Variants in PSD2 observed in about 807,000 individuals in gnomAD.
The protein encoded by PSD2 is PH and SEC7 domain-containing protein 2.
A neutral mutation model predicts 69.8 loss-of-function variants in PSD2; 38 were observed. The ratio of observed to expected loss-of-function variants is 0.54; its 90% CI spans 0.42 to 0.71. The LOEUF (loss-of-function observed/expected upper bound fraction) is 0.71. Ranked by LOEUF, PSD2 falls within the 30% of genes least tolerant of loss-of-function variation. The pLI is 0.00. For synonymous variants in PSD2, 412 were observed against 423.0 expected (o/e 0.97, Z 0.32); for missense variants, 943 against 1,014.5 (o/e 0.93, Z 0.96).
chr5:139,765,268 T>C, the PSD2 span, among the ~76,000 whole-genome samples: 1 of 152,006 alleles, frequency 6.6e-6, no homozygotes, highest in Non-Finnish European at 1.5e-5. Context: ...TACGCAGTGG[T>C]ACTTCCAACA....
At chr5:139,755,542 C>T in the PSD2 span, among the ~76,000 whole-genome samples, 1 of 151,942 alleles carries the variant, frequency 6.6e-6, no homozygotes, top group Non-Finnish European at 1.5e-5. Flanking sequence ...TGGGAGCCTC[C>T]TCCCTATTTG....
At chr5:139,835,987 T>C (rs1760707268) in intron 9 of PSD2, among the ~76,000 whole-genome samples, 2 of 152,246 alleles carry the variant, frequency 1.3e-5, no homozygotes. Flanking sequence ...TGTTACAGAA[T>C]AGATTGAACT....
At chr5:139,835,916 G>C (rs971726861) in intron 9 of PSD2, 150 bp downstream of exon 9, 14 of 729,658 alleles carry the variant, frequency 1.9e-5, no homozygotes, top group Non-Finnish European at 3.4e-5. Flanking sequence ...GCGCACACCT[G>C]GTGTTGAATT....
rs2126970706 is a variant in PSD2 at position 139,839,552 on chromosome 5, T to C, written c.1969-475T>C. On this transcript the variant is annotated intron_variant, in intron 13 of 14. Transcript: ENST00000274710. The surrounding 1 kb of genome is among the most constrained non-coding windows in gnomAD (Gnocchi z 5.1). ...TCAGCGACAGTGTCTCCGCCTGTCT[T>C]TGGGTGTGATCCTGGGTCTGCAACC... Among the ~76,000 whole-genome samples, 1 of 152,292 alleles carries C rather than the reference T, an allele frequency of 6.6e-6. No homozygotes were observed. Among genetic ancestry groups the C allele is most frequent in the Admixed American group, 6.5e-5 (1 of 15,304 alleles).
At chr5:139,765,075 C>T in the PSD2 span, among the ~76,000 whole-genome samples, 30 of 152,028 alleles carry the variant, frequency 2.0e-4, no homozygotes, top group African/African-American at 7.0e-4. Flanking sequence ...ACCCTTCCAA[C>T]GCCCCCTCAC....
At chr5:139,835,859 T>C (rs1760702551) in intron 9 of PSD2, 93 bp downstream of exon 9, 1 of 1,240,556 alleles carries the variant, frequency 8.1e-7, no homozygotes, top group African/African-American at 1.5e-5. Flanking sequence ...CCACTCTCCA[T>C]GGTGCTGATC....
At chr5:139,830,591 T>TTTC (rs1760560808) in intron 7 of PSD2, among the ~76,000 whole-genome samples, 1 of 103,340 alleles carries the variant, frequency 9.7e-6, no homozygotes, top group African/African-American at 4.5e-5. Context: ...TCTTTCTTTC[T>TTTC]TTTTCTTTCT....
chr5:139,760,813 G>A, the PSD2 span, among the ~76,000 whole-genome samples: 1 of 152,182 alleles, frequency 6.6e-6, no homozygotes, highest in African/African-American at 2.4e-5. Flanking sequence ...CCACAAGCCT[G>A]CTGGGTGTGT....
the PSD2 span, among the ~76,000 whole-genome samples, chr5:139,770,807 G>A: frequency 6.6e-6 from 1 of 152,198 alleles, no homozygotes; most frequent in Non-Finnish European, 1.5e-5. Flanking sequence ...AAACAGTTGA[G>A]TAAGTTTTGT....
At chr5:139,747,224 ACTCT>A in the PSD2 span, among the ~76,000 whole-genome samples, 2 of 144,962 alleles carry the variant, frequency 1.4e-5, no homozygotes, top group African/African-American at 5.2e-5. This position sits in a 1 kb window ranked among gnomAD's most constrained non-coding sequence, Gnocchi z 6.7. Context: ...TGTCTGTCTG[ACTCT>A]CTCTTGTCTC....
chr5:139,788,897 C>T, the PSD2 span, among the ~76,000 whole-genome samples: 1 of 152,268 alleles, frequency 6.6e-6, no homozygotes. Flanking sequence ...CTCCAGGTGA[C>T]TGGCCCCTTA....
the PSD2 span, among the ~76,000 whole-genome samples, chr5:139,749,011 C>T: frequency 6.6e-6 from 1 of 152,070 alleles, no homozygotes; most frequent in Non-Finnish European, 1.5e-5. Context: ...GGCAGACAGT[C>T]CTTCCTTAAA....
chr5:139,813,475 C>T lies in PSD2; in HGVS notation c.538C>T (p.Leu180Phe). ...SDSCVSFEAP[L>F]TPLIQQRARD... Reference sequence around the variant, plus strand: ...CAGCTGCGTCAGCTTCGAGGCCCCCCTCACACCCCTCATCCAGCAGCGGGC... The same window carrying T: ...CAGCTGCGTCAGCTTCGAGGCCCCCTTCACACCCCTCATCCAGCAGCGGGC... Residue 180 changes from leucine to phenylalanine, a missense_variant, in exon 3 of 15, where the codon CTC (leucine) becomes TTC (phenylalanine). Leu to Phe is a conservative substitution (Grantham distance 22). Around this residue, in one of 3 missense-constraint regions of PSD2, gnomAD observed 466 missense variants for 445.0 expected, o/e 1.05. Coordinates refer to ENST00000274710, the MANE Select transcript of PSD2 (RefSeq NM_032289.4). The T allele has an allele frequency of 6.2e-7, 1 of 1,613,898 alleles. No individual in the cohort carries two copies. The highest frequency in any genetic ancestry group is 8.5e-7 in the Non-Finnish European group (1 of 1,179,836).
At chr5:139,776,131 T>C in the PSD2 span, among the ~76,000 whole-genome samples, 4 of 152,178 alleles carry the variant, frequency 2.6e-5, no homozygotes, top group African/African-American at 9.7e-5. Context: ...TAACATCCAG[T>C]CTCCTTCCTG....
intron 9 of PSD2, 88 bp from the exon 10 acceptor site, chr5:139,836,723 C>T: frequency 8.3e-7 from 1 of 1,202,162 alleles, no homozygotes; most frequent in African/African-American, 1.5e-5. Context: ...GACCCTGGCT[C>T]CTGGAGAGGA....
At chr5:139,765,846 G>T in the PSD2 span, among the ~76,000 whole-genome samples, 1 of 152,238 alleles carries the variant, frequency 6.6e-6, no homozygotes, top group Non-Finnish European at 1.5e-5. Context: ...CCGCCGTCGT[G>T]GCTTTGGCTC....
the PSD2 span, among the ~76,000 whole-genome samples, chr5:139,742,763 T>A: frequency 3.3e-5 from 5 of 152,170 alleles, no homozygotes; most frequent in African/African-American, 9.7e-5. Flanking sequence ...AATGAGTGTG[T>A]GAGTGTATCT....
the PSD2 span, among the ~76,000 whole-genome samples, chr5:139,753,681 G>T: frequency 6.6e-6 from 1 of 152,152 alleles, no homozygotes; most frequent in Admixed American, 6.5e-5. Flanking sequence ...AGGCAACCAA[G>T]GCCCAGAGAG....
intron 7 of PSD2, among the ~76,000 whole-genome samples, chr5:139,830,612 T>TTC (rs1491487949): frequency 2.1e-5 from 2 of 94,018 alleles, no homozygotes; most frequent in Admixed American, 1.2e-4. Flanking sequence ...TTCTTTCTCT[T>TTC]TCTTTCTTTC....
Sources: gnomAD v4.1 joint callset for allele counts (sites outside exome capture counted in the v4.1 genomes callset) on GRCh38, gnomAD v4.1.1 for gene constraint, gnomAD v4.1.1 regional missense constraint, Gnocchi (gnomAD v3.1) non-coding constraint, MANE v1.5 for transcripts, NCBI Gene and HGNC (gene_info 2026-07-23, HGNC 2026-07-21) for gene names.